GRM7: variants seen among roughly 807,000 people sequenced by gnomAD.
GRM7 encodes the protein glutamate metabotropic receptor 7.
GRM7 carries 35 observed loss-of-function variants against 84.5 expected under a neutral mutation model. The observed-to-expected ratio is 0.41, with a 90% CI of 0.32 to 0.55. The LOEUF (loss-of-function observed/expected upper bound fraction) is 0.55, where lower values mean the gene tolerates loss of function less well. Among genes scored for constraint, GRM7 ranks in the 20% least tolerant of loss-of-function variants. The pLI is 0.19. For missense variants in GRM7, 1,003 were observed against 1,194.6 expected (o/e 0.84, Z 2.36); for synonymous variants, 487 against 455.1 (o/e 1.07, Z -0.89).
At position 7,082,376 on chromosome 3, in the gene GRM7, T is replaced by C. The variant is rs76087388; in HGVS notation, c.520-64076T>C. 2.2e-3 allele frequency among the ~76,000 whole-genome samples: 342 copies of C among 152,190 alleles called. 3 individuals are homozygous for C. The highest frequency in any genetic ancestry group is 7.9e-3 in the African/African-American group (328 of 41,556). On this transcript the variant is annotated intron_variant, in intron 1 of 9. Transcript: ENST00000357716. ...TGACAGCACAGTTGTTTACGGCATT[T>C]TAAGTCCACTATTGAGAGCTACTAC...
chr3:7,415,039 T>G lies in GRM7; in HGVS notation c.1050T>G (p.Phe350Leu). ...RATVEGFDAY[F>L]TSRTLENNRR... ...TCTGTTTAGGGTTTGATGCCTACTT[T>G]ACGTCCCGTACACTTGAAAACAACA... is the stretch of plus-strand genomic sequence containing the variant. Residue 350 changes from phenylalanine to leucine, a missense_variant, in exon 5 of 10, where the codon TTT becomes TTG. Phe to Leu is a conservative substitution (Grantham distance 22). Coordinates refer to ENST00000357716, the MANE Select transcript of GRM7 (RefSeq NM_000844.4). 2 of 1,612,894 alleles carry G rather than the reference T, an allele frequency of 1.2e-6. No homozygotes were observed. The highest frequency in any genetic ancestry group is 1.7e-6 in the Non-Finnish European group (2 of 1,179,126).
At chr3:7,349,279 A>C (rs1575202705) in intron 4 of GRM7, among the ~76,000 whole-genome samples, 1 of 152,246 alleles carries the variant, frequency 6.6e-6, no homozygotes, top group Admixed American at 6.5e-5. Flanking sequence ...TCTATTCATT[A>C]AGAGACTGGC....
rs778168855 is a variant in GRM7, at chr3:7,740,440, G to T, written c.*34G>T. 7.9e-7 allele frequency: 1 copy of T among 1,261,062 alleles called. No homozygotes were observed. Among genetic ancestry groups the T allele is most frequent in the Non-Finnish European group, 1.1e-6 (1 of 888,608 alleles). 78.1% of individuals were successfully genotyped at this position (1,261,062 alleles called of 1,614,324 possible). ...ATTCCATGGAACCATGGAGGAGGAA[G>T]ACCCTCAGTTATTTTGTCACCCAAC... On this transcript the variant is annotated 3_prime_UTR_variant, in exon 10 of 10. Transcript: ENST00000357716.
intron 4 of GRM7, among the ~76,000 whole-genome samples, chr3:7,379,629 A>G (rs939766100): frequency 6.6e-6 from 1 of 152,118 alleles, no homozygotes; most frequent in African/African-American, 2.4e-5. Flanking sequence ...TTGGTGTAAA[A>G]TTGACAAATG....
At chr3:7,273,873 A>G (rs1230969780) in intron 2 of GRM7, among the ~76,000 whole-genome samples, 1 of 151,984 alleles carries the variant, frequency 6.6e-6, no homozygotes, top group African/African-American at 2.4e-5. Flanking sequence ...GTGAATATTT[A>G]TATAGTTGGA....
intron 1 of GRM7, among the ~76,000 whole-genome samples, chr3:6,989,967 C>T (rs1357821754): frequency 6.6e-6 from 1 of 152,192 alleles, no homozygotes; most frequent in Non-Finnish European, 1.5e-5. Context: ...ATCTTCAGGG[C>T]TCCTCTTTCC....
chr3:7,082,512 C>A (rs1236940998), intron 1 of GRM7, among the ~76,000 whole-genome samples: 2 of 152,106 alleles, frequency 1.3e-5, no homozygotes, highest in Non-Finnish European at 2.9e-5. Flanking sequence ...GCTGCTAACA[C>A]AACATCCATT....
chr3:7,175,602 A>G (rs1487541261), intron 2 of GRM7, among the ~76,000 whole-genome samples: 3 of 151,394 alleles, frequency 2.0e-5, no homozygotes, highest in Non-Finnish European at 4.4e-5. Context: ...CAGTGGTGTG[A>G]TCTCGGCTCA....
At chr3:7,285,828 A>T (rs987812127) in intron 2 of GRM7, among the ~76,000 whole-genome samples, 3 of 151,908 alleles carry the variant, frequency 2.0e-5, no homozygotes, top group African/African-American at 7.3e-5. Flanking sequence ...TTTATTTATG[A>T]TTTTTTTCCT....
intron 1 of GRM7, among the ~76,000 whole-genome samples, chr3:7,014,008 A>T (rs1432853493): frequency 1.3e-5 from 2 of 152,196 alleles, no homozygotes; most frequent in Non-Finnish European, 2.9e-5. Context: ...AAACAATTAG[A>T]TATAAAGGCT....
chr3:7,552,723 C>T (rs1575485732), intron 7 of GRM7, among the ~76,000 whole-genome samples: 1 of 152,196 alleles, frequency 6.6e-6, no homozygotes, highest in Non-Finnish European at 1.5e-5. Context: ...ATGCAGGGCA[C>T]CAAGTCCTGA....
At chr3:7,349,029 T>C (rs1188109779) in intron 4 of GRM7, among the ~76,000 whole-genome samples, 1 of 152,112 alleles carries the variant, frequency 6.6e-6, no homozygotes, top group Non-Finnish European at 1.5e-5. Context: ...GTGGTCCCTG[T>C]GGTCCTCCTT....
At chr3:6,999,110 T>G (rs1252180838) in intron 1 of GRM7, among the ~76,000 whole-genome samples, 1 of 152,174 alleles carries the variant, frequency 6.6e-6, no homozygotes, top group Non-Finnish European at 1.5e-5. Context: ...CTTGAACACT[T>G]TGCCACTTAG....
intron 4 of GRM7, among the ~76,000 whole-genome samples, chr3:7,323,966 G>C (rs944282946): frequency 1.3e-5 from 2 of 152,112 alleles, no homozygotes; most frequent in African/African-American, 4.8e-5. Flanking sequence ...GGATATGATG[G>C]ATATTACCAC....
chr3:7,498,293 C>T (rs1008896692), intron 7 of GRM7, among the ~76,000 whole-genome samples: 1 of 152,096 alleles, frequency 6.6e-6, no homozygotes, highest in Admixed American at 6.5e-5. Flanking sequence ...GCCTACAATG[C>T]ATTTACCCTA....
chr3:7,531,443 A>G (rs1701032463), intron 7 of GRM7, among the ~76,000 whole-genome samples: 2 of 152,110 alleles, frequency 1.3e-5, no homozygotes, highest in Admixed American at 1.3e-4. Flanking sequence ...CTTATCCATG[A>G]GCATGGAATG....
At chr3:7,699,365 T>C (rs909705868) in intron 9 of GRM7, among the ~76,000 whole-genome samples, 4 of 152,176 alleles carry the variant, frequency 2.6e-5, no homozygotes, top group Non-Finnish European at 5.9e-5. Context: ...AAAATAGAAG[T>C]ATTCTTCCTT....
At chr3:7,420,690 T>C (rs1308578689) in intron 5 of GRM7, among the ~76,000 whole-genome samples, 2 of 152,190 alleles carry the variant, frequency 1.3e-5, no homozygotes, top group Admixed American at 6.6e-5. Flanking sequence ...ATAAATGGCT[T>C]GTTTCTAATT....
chr3:7,733,317 C>G (rs1201596259), intron 9 of GRM7, among the ~76,000 whole-genome samples: 6 of 152,172 alleles, frequency 3.9e-5, no homozygotes, highest in African/African-American at 1.4e-4. Context: ...AAGGAAAGCT[C>G]TCAGCAAAGA....
Sources: gnomAD v4.1 joint callset for allele counts (sites outside exome capture counted in the v4.1 genomes callset) on GRCh38, gnomAD v4.1.1 for gene constraint, MANE v1.5 for transcripts, NCBI Gene and HGNC (gene_info 2026-07-23, HGNC 2026-07-21) for gene names.